GRIA2: variants seen among roughly 807,000 people sequenced by gnomAD.
GRIA2 encodes the protein glutamate receptor 2.
A neutral mutation model predicts 97.3 loss-of-function variants in GRIA2; 14 were observed. The observed-to-expected ratio is 0.14, with a 90% CI of 0.10 to 0.23. The LOEUF is 0.23. Among genes scored for constraint, GRIA2 ranks in the 10% least tolerant of loss-of-function variants. The probability of loss-of-function intolerance (pLI) is 1.00; values close to 1 mark genes in which losing one functional copy is unlikely to be tolerated. For synonymous variants in GRIA2, 412 were observed against 387.8 expected, an observed-to-expected ratio of 1.06 and a Z score of -0.73; for missense variants, 558 against 1,069.8, an observed-to-expected ratio of 0.52 and a Z score of 6.67.
intron 6 of GRIA2, among the ~76,000 whole-genome samples, chr4:157,327,134 T>G (rs1177754697): frequency 2.0e-5 from 3 of 152,132 alleles, no homozygotes; most frequent in African/African-American, 7.2e-5. Flanking sequence ...AGTCAAGAGA[T>G]ATTTGTGGGT....
intron 2 of GRIA2, among the ~76,000 whole-genome samples, chr4:157,248,810 ATAT>A: frequency 8.4e-6 from 1 of 118,576 alleles, no homozygotes; most frequent in Admixed American, 8.5e-5. Flanking sequence ...ATATATATAT[ATAT>A]AAATAAAATA....
chr4:157,333,464 G>A (rs1735148849), intron 8 of GRIA2, 111 bp downstream of exon 8: 1 of 481,000 alleles, frequency 2.1e-6, no homozygotes, highest in Non-Finnish European at 3.7e-6. Flanking sequence ...AGAGTTTAAC[G>A]ACTTCCAGAA....
chr4:157,271,792 T>A (rs1046982912), intron 2 of GRIA2, among the ~76,000 whole-genome samples: 1 of 152,054 alleles, frequency 6.6e-6, no homozygotes, highest in African/African-American at 2.4e-5. Context: ...CTACCTTGGG[T>A]TGCCAGCTAT....
At chr4:157,325,813 A>T (rs1056139427) in intron 6 of GRIA2, among the ~76,000 whole-genome samples, 1 of 152,140 alleles carries the variant, frequency 6.6e-6, no homozygotes, top group East Asian at 1.9e-4. Flanking sequence ...TCTTCAGCCA[A>T]CCTAAATCCC....
intron 2 of GRIA2, among the ~76,000 whole-genome samples, chr4:157,296,035 AT>A (rs1367301988): frequency 6.6e-6 from 1 of 152,092 alleles, no homozygotes; most frequent in Admixed American, 6.6e-5. Context: ...AATTTACCTC[AT>A]TTCATTTAGG....
At chr4:157,306,614 C>T (rs1224447597) in intron 3 of GRIA2, among the ~76,000 whole-genome samples, 2 of 152,074 alleles carry the variant, frequency 1.3e-5, no homozygotes, top group Non-Finnish European at 2.9e-5. Flanking sequence ...GGCCTTCTAT[C>T]TGAAGTTATT....
intron 2 of GRIA2, among the ~76,000 whole-genome samples, chr4:157,257,779 A>G (rs550921527): frequency 8.5e-5 from 13 of 152,250 alleles, no homozygotes; most frequent in South Asian, 2.1e-4. Flanking sequence ...AAGCCTCAGT[A>G]TTACTGATTC....
chr4:157,281,876 C>G (rs1191374611), intron 2 of GRIA2, among the ~76,000 whole-genome samples: 1 of 152,062 alleles, frequency 6.6e-6, no homozygotes, highest in East Asian at 1.9e-4. Flanking sequence ...GCAAATTGAA[C>G]AGGTCTCTCT....
rs1314400059 is a variant in GRIA2 at position 157,322,233 on chromosome 4, G to A, written c.882+634G>A. Reference sequence around the variant, plus strand: ...AGAGAAAGAGAGAGAGTGAGAAAGAGAGAGAGAGAGTGTGTGTGTGTGTGT... The same window carrying A: ...AGAGAAAGAGAGAGAGTGAGAAAGAAAGAGAGAGAGTGTGTGTGTGTGTGT... On this transcript the variant is annotated intron_variant, in intron 6 of 15. Transcript: ENST00000264426. 2.5e-5 allele frequency among the ~76,000 whole-genome samples: 3 copies of A among 122,280 alleles called. No homozygotes were observed. The East Asian group carries it at 7.4e-4, about 30-fold the overall frequency. The allele number at this position is 122,280 out of a possible 152,430, so 80.2% of individuals were successfully genotyped here. A position where few individuals can be genotyped will look rare whatever the true frequency, so the allele number is the denominator to read the frequency against.
intron 1 of GRIA2, 135 bp from the exon 2 acceptor site, chr4:157,221,532 C>G: frequency 2.3e-6 from 2 of 886,012 alleles, no homozygotes; most frequent in South Asian, 1.6e-5. Flanking sequence ...CCCCGCTGTC[C>G]GAGTCCGTAG....
intron 2 of GRIA2, among the ~76,000 whole-genome samples, chr4:157,252,011 A>G (rs1410803353): frequency 6.6e-6 from 1 of 152,110 alleles, no homozygotes. Flanking sequence ...CATTAGTGCA[A>G]CCATTGACAT....
intron 2 of GRIA2, among the ~76,000 whole-genome samples, chr4:157,262,396 A>G (rs1731581606): frequency 6.6e-6 from 1 of 151,968 alleles, no homozygotes. Flanking sequence ...GATGGGCTCT[A>G]ACTTCAAACT....
intron 2 of GRIA2, among the ~76,000 whole-genome samples, chr4:157,235,323 T>C (rs549656673): frequency 6.6e-6 from 1 of 152,240 alleles, no homozygotes; most frequent in South Asian, 2.1e-4. Context: ...AAGAACAAGA[T>C]AAGGCTTCTG....
At chr4:157,222,562 C>T (rs745991498) in intron 2 of GRIA2, among the ~76,000 whole-genome samples, 3 of 152,144 alleles carry the variant, frequency 2.0e-5, no homozygotes, top group Non-Finnish European at 4.4e-5. Flanking sequence ...GGGGCGAGGC[C>T]GCCAGGGGCG....
At chr4:157,315,435 C>T (rs1295574668) in intron 4 of GRIA2, among the ~76,000 whole-genome samples, 1 of 147,908 alleles carries the variant, frequency 6.8e-6, no homozygotes, top group Admixed American at 6.8e-5. Flanking sequence ...TTCAAGACAA[C>T]AGAGATGAGA....
At chr4:157,310,492 G>C (rs1373517034) in intron 3 of GRIA2, among the ~76,000 whole-genome samples, 1 of 151,968 alleles carries the variant, frequency 6.6e-6, no homozygotes, top group Non-Finnish European at 1.5e-5. Flanking sequence ...CTTTATTAAA[G>C]ACTAGTATAT....
In GRIA2 at chr4:157,221,111, T is replaced by G. The variant is rs760796983; in HGVS notation, c.69T>G (p.Ser23=). ...PVLWGLIFGV[S]SNSIQIGGLF... is the part of the protein sequence containing the mutation. ...TATGGGGACTGATTTTTGGTGTCTC[T>G]TCTAACAGCATACAGATAGGTAGGT... is the stretch of plus-strand genomic sequence containing the variant. Residue 23 remains serine (S), a synonymous_variant, in exon 1 of 16, where the codon TCT becomes TCG. Coordinates refer to ENST00000264426, the MANE Select transcript of GRIA2 (RefSeq NM_001083619.3). 2 of 1,547,006 alleles carry G rather than the reference T, an allele frequency of 1.3e-6. No individual in the cohort carries two copies. Among genetic ancestry groups the G allele is most frequent in the Non-Finnish European group, 1.8e-6 (2 of 1,118,840 alleles).
intron 2 of GRIA2, among the ~76,000 whole-genome samples, chr4:157,272,339 C>T (rs1365413590): frequency 6.6e-6 from 1 of 151,924 alleles, no homozygotes; most frequent in African/African-American, 2.4e-5. Context: ...AACACAGATG[C>T]GAAGTCACAG....
At chr4:157,354,310 A>G (rs1736150609) in intron 12 of GRIA2, among the ~76,000 whole-genome samples, 1 of 152,228 alleles carries the variant, frequency 6.6e-6, no homozygotes, top group Non-Finnish European at 1.5e-5. Flanking sequence ...AATGGAATTA[A>G]GCTCTGTGAA....
Sources: gnomAD v4.1 joint callset for allele counts (sites outside exome capture counted in the v4.1 genomes callset) on GRCh38, gnomAD v4.1.1 for gene constraint, MANE v1.5 for transcripts, NCBI Gene and HGNC (gene_info 2026-07-23, HGNC 2026-07-21) for gene names.